MYOM2: variants seen among roughly 807,000 people sequenced by gnomAD.
MYOM2 encodes myomesin 2, also known as myomesin-2.
MYOM2 carries 254 observed loss-of-function variants against 187.6 expected under a neutral mutation model. That is an observed-to-expected ratio of 1.35 (90% confidence interval 1.22 to 1.50). The LOEUF is 1.50. MYOM2 is among the 40% of genes most tolerant of loss of function. MYOM2 has a pLI of 0.00. For missense variants in MYOM2, 2,796 were observed against 1,924.0 expected, an observed-to-expected ratio of 1.45 and a Z score of -8.48; for synonymous variants, 981 against 753.8, an observed-to-expected ratio of 1.30 and a Z score of -4.94.
At chr8:2,083,194 C>G (rs1052111213) in intron 13 of MYOM2, among the ~76,000 whole-genome samples, 1 of 152,222 alleles carries the variant, frequency 6.6e-6, no homozygotes, top group African/African-American at 2.4e-5. Context: ...TTATATATCT[C>G]TCACTGGTTC....
chr8:2,072,583 G>A (rs1468771293), intron 9 of MYOM2, 74 bp downstream of exon 9: 2 of 1,506,760 alleles, frequency 1.3e-6, no homozygotes, highest in Non-Finnish European at 1.8e-6. Flanking sequence ...AAATGTGGGT[G>A]TCAATGTGGC....
At chr8:2,101,164 G>A (rs1227295785) in intron 20 of MYOM2, 110 bp downstream of exon 20, 5 of 1,082,472 alleles carry the variant, frequency 4.6e-6, no homozygotes, top group East Asian at 2.6e-5. Context: ...TGGCCAACAT[G>A]GAGAAGCCCC....
intron 27 of MYOM2, among the ~76,000 whole-genome samples, chr8:2,117,594 T>C (rs1797290933): frequency 6.6e-6 from 1 of 152,194 alleles, no homozygotes; most frequent in Admixed American, 6.5e-5. Flanking sequence ...AGATATGAGA[T>C]GTCAGTAAGA....
rs368251971 is a variant in MYOM2 at position 2,073,346 on chromosome 8, G to A, written c.966G>A (p.Leu322=). 84 of 1,606,846 alleles carry A rather than the reference G, an allele frequency of 5.2e-5. No homozygotes were observed. The highest frequency in any genetic ancestry group is 7.1e-5 in the Non-Finnish European group (83 of 1,175,994). ...PRAEWYRDDV[L]LKESKWTKMF... ...GTGTTAACGCTCTTTCAGACGTGCT[G>A]TTGAAAGAGTCCAAGTGGACGAAGA... is the stretch of plus-strand genomic sequence containing the variant. The change falls in exon 10 of 37, where the codon CTG becomes CTA. Residue 322 remains leucine (L), a synonymous_variant. Coordinates refer to ENST00000262113, the MANE Select transcript of MYOM2 (RefSeq NM_003970.4).
rs147289605 is a variant in MYOM2 at position 2,078,871 on chromosome 8, G to T, written c.1400G>T (p.Arg467Leu). Residue 467 changes from arginine (R) to leucine (L), a missense_variant, in exon 12 of 37, where the codon CGA becomes CTA. Arg to Leu is a moderately radical substitution (Grantham distance 102). Transcript: ENST00000262113. Reference sequence around the variant, plus strand: ...GCAGTGAACAGTGCGGGCATCAGCCGACCCTCCAGGGTCTCTGATGCGGTG... The same window carrying T: ...GCAGTGAACAGTGCGGGCATCAGCCTACCCTCCAGGGTCTCTGATGCGGTG... ...VRAVNSAGIS[R>L]PSRVSDAVAA... is the part of the protein sequence containing the mutation. 1.9e-6 allele frequency: 3 copies of T among 1,614,042 alleles called. No individual in the cohort carries two copies. The highest frequency in any genetic ancestry group is 2.5e-6 in the Non-Finnish European group (3 of 1,179,924).
intron 23 of MYOM2, among the ~76,000 whole-genome samples, chr8:2,108,240 C>T (rs1796956681): frequency 6.6e-6 from 1 of 151,820 alleles, no homozygotes; most frequent in Non-Finnish European, 1.5e-5. Context: ...ATGCAAAATG[C>T]AGTGTATTTT....
intron 10 of MYOM2, among the ~76,000 whole-genome samples, chr8:2,074,763 A>C (rs935052461): frequency 6.6e-6 from 1 of 152,126 alleles, no homozygotes; most frequent in Admixed American, 6.5e-5. Context: ...GGCCCCACCT[A>C]CGCTTTTATC....
intron 32 of MYOM2, among the ~76,000 whole-genome samples, chr8:2,133,861 TATTTCTA>T (rs1357628812): frequency 1.3e-5 from 2 of 152,034 alleles, no homozygotes; most frequent in African/African-American, 4.8e-5. Flanking sequence ...AAATTTATAA[TATTTCTA>T]AATCGTTCAC....
In MYOM2 at chr8:2,144,674, T is replaced by C; in HGVS notation, c.4091T>C (p.Leu1364Pro). The C allele has an allele frequency of 6.2e-7, 1 of 1,613,784 alleles. No individual in the cohort carries two copies. ...VTIMEGKTLN[L>P]TCTVFGNPDP... ...CTCTTCCGTCCAAAGACCTTGAATC[T>C]GACCTGCACGGTGTTTGGAAACCCT... is the stretch of plus-strand genomic sequence containing the variant. Residue 1364 changes from leucine to proline, a missense_variant, in exon 37 of 37, where the codon CTG (leucine) becomes CCG (proline). Physicochemically the swap from Leu to Pro is moderately conservative, Grantham distance 98. Transcript: ENST00000262113.
At chr8:2,084,442 G>A (rs1819737932) in intron 13 of MYOM2, among the ~76,000 whole-genome samples, 1 of 152,208 alleles carries the variant, frequency 6.6e-6, no homozygotes. Flanking sequence ...ATGTCCCGGG[G>A]AGGTTTCAGA....
At chr8:2,112,346 A>C (rs1200837731) in intron 25 of MYOM2, among the ~76,000 whole-genome samples, 1 of 146,710 alleles carries the variant, frequency 6.8e-6, no homozygotes, top group African/African-American at 2.5e-5. Flanking sequence ...GAAGGATTTC[A>C]AGGGTAGAGG....
chr8:2,132,658 C>G, intron 32 of MYOM2, among the ~76,000 whole-genome samples: 1 of 152,176 alleles, frequency 6.6e-6, no homozygotes, highest in Non-Finnish European at 1.5e-5. Context: ...GCCATTCTAG[C>G]TCACTGTAGC....
chr8:2,088,959 G>T (rs553112041), intron 14 of MYOM2, among the ~76,000 whole-genome samples: 1 of 152,028 alleles, frequency 6.6e-6, no homozygotes, highest in Non-Finnish European at 1.5e-5. Flanking sequence ...GACTGCGCTC[G>T]CTTGGGGTCG....
At chr8:2,074,803 G>T (rs560184170) in intron 10 of MYOM2, among the ~76,000 whole-genome samples, 1 of 152,306 alleles carries the variant, frequency 6.6e-6, no homozygotes, top group African/African-American at 2.4e-5. Flanking sequence ...TCCTGCTTCT[G>T]CCCTGGGCTG....
chr8:2,055,950 A>T (rs1438600257), intron 3 of MYOM2, among the ~76,000 whole-genome samples: 1 of 151,600 alleles, frequency 6.6e-6, no homozygotes, highest in Admixed American at 6.6e-5. Context: ...CGGCTCGGCC[A>T]CCTTTCCCTC....
At chr8:2,046,305 G>A (rs1342182435) in intron 1 of MYOM2, among the ~76,000 whole-genome samples, 2 of 152,204 alleles carry the variant, frequency 1.3e-5, no homozygotes, top group Non-Finnish European at 2.9e-5. Context: ...TATCAGACAC[G>A]TGGTCCCCTG....
rs775590687 is a variant in MYOM2, at chr8:2,116,110, C to T, written c.3325+6C>T. Reference sequence around the variant, plus strand: ...TCTAGTTCTTATTGGAGATGGTATGCTATATCGAATATTTCCACGTCCATA... The same window carrying T: ...TCTAGTTCTTATTGGAGATGGTATGTTATATCGAATATTTCCACGTCCATA... On this transcript the variant is annotated splice_donor_region_variant and intron_variant, in intron 26 of 36. Coordinates refer to ENST00000262113, the MANE Select transcript of MYOM2 (RefSeq NM_003970.4). 1.3e-6 allele frequency: 2 copies of T among 1,570,882 alleles called. No individual in the cohort carries two copies. Among genetic ancestry groups the T allele is most frequent in the Non-Finnish European group, 1.7e-6 (2 of 1,167,694 alleles).
At chr8:2,085,493 TC>T in intron 14 of MYOM2, 103 bp downstream of exon 14, 1 of 1,152,630 alleles carries the variant, frequency 8.7e-7, no homozygotes, top group Non-Finnish European at 1.1e-6. Context: ...GCGTGGCCCC[TC>T]ACTGTTGTGA....
rs78708377 is a variant in MYOM2 at position 2,094,007 on chromosome 8, A to G, written c.2041A>G (p.Ile681Val). The change falls in exon 17 of 37, where the codon ATC becomes GTC. Residue 681 changes from isoleucine (I) to valine (V), a missense_variant. Physicochemically the swap from Ile to Val is conservative, Grantham distance 29 (BLOSUM62 3). Transcript: ENST00000262113. The part of the protein sequence containing the change: ...VHGLTTGEQY[I>V]FRVKAVNAVG... ...CGGCTTAACCACGGGAGAGCAGTAC[A>G]TCTTCCGAGTCAAGGCGGTCAATGC... 5.0e-6 allele frequency: 8 copies of G among 1,614,042 alleles called. No individual in the cohort carries two copies. In the South Asian group the frequency reaches 6.6e-5, roughly 13 times the overall value.
Sources: gnomAD v4.1 joint callset for allele counts (sites outside exome capture counted in the v4.1 genomes callset) on GRCh38, gnomAD v4.1.1 for gene constraint, MANE v1.5 for transcripts, NCBI Gene and HGNC (gene_info 2026-07-23, HGNC 2026-07-21) for gene names.